The following LIN28A variants were observed in gnomAD, a reference collection of about 807,000 sequenced individuals.
LIN28A encodes the protein protein lin-28 homolog A.
A neutral mutation model predicts 21.1 loss-of-function variants in LIN28A; 11 were observed. The ratio of observed to expected loss-of-function variants is 0.52; its 90% CI spans 0.33 to 0.86. The LOEUF is 0.86. Among genes scored for constraint, LIN28A ranks in the 40% least tolerant of loss-of-function variants. LIN28A has a pLI of 0.03. For missense variants in LIN28A, 219 were observed against 279.8 expected (o/e 0.78, Z 1.55); for synonymous variants, 111 against 108.7 (o/e 1.02, Z -0.13).
At position 26,428,473 on chromosome 1, in the gene LIN28A, CTGAAG is replaced by C. The variant is rs2075073371; in HGVS notation, c.*2016_*2020del. ...CTCTTAAATGATGTATGCAAAAATACTGAAGCTAGGAAAACCCTCCATCCCTTGTT... is the reference window on the plus strand; with the variant it reads ...CTCTTAAATGATGTATGCAAAAATACCTAGGAAAACCCTCCATCCCTTGTT... On this transcript the variant is annotated 3_prime_UTR_variant, in exon 4 of 4. Coordinates refer to ENST00000326279, the MANE Select transcript of LIN28A (RefSeq NM_024674.6). 6.6e-6 allele frequency: 1 copy of C among 152,124 alleles called. No homozygotes were observed. The highest frequency in any genetic ancestry group is 1.5e-5 in the Non-Finnish European group (1 of 68,026). The allele number at this position is 152,124 out of a possible 1,614,324, so 9.4% of individuals were successfully genotyped here.
chr1:26,414,810 G>T (rs187862272), intron 2 of LIN28A, among the ~76,000 whole-genome samples: 29 of 152,178 alleles, frequency 1.9e-4, no homozygotes, highest in Non-Finnish European at 3.4e-4. Flanking sequence ...TGCATCTTAG[G>T]TATGACAACC....
At chr1:26,412,299 G>C (rs966853322) in intron 2 of LIN28A, among the ~76,000 whole-genome samples, 10 of 152,148 alleles carry the variant, frequency 6.6e-5, no homozygotes, top group Non-Finnish European at 1.3e-4. Context: ...AGCACAGTAG[G>C]GGGTGAAATT....
chr1:26,426,323 G>C lies in LIN28A; in HGVS notation c.495G>C (p.Gln165His), dbSNP rs1305446335. The C allele has an allele frequency of 3.1e-6, 5 of 1,614,216 alleles. No homozygotes were observed. Among genetic ancestry groups the C allele is most frequent in the Non-Finnish European group, 3.4e-6 (4 of 1,180,022 alleles). Residue 165 changes from glutamine (Q) to histidine (H), a missense_variant, in exon 4 of 4, where the codon CAG becomes CAC. By Grantham distance (24) the Gln-to-His change is conservative. Transcript: ENST00000326279. Reference protein sequence around the residue: ...PPQPKKCHFCQSISHMVASCP... With the variant: ...PPQPKKCHFCHSISHMVASCP... ...AGCCCAAGAAGTGCCACTTCTGCCA[G>C]AGCATCAGCCATATGGTAGCCTCAT...
At chr1:26,412,446 C>T (rs906986965) in intron 2 of LIN28A, among the ~76,000 whole-genome samples, 1 of 152,160 alleles carries the variant, frequency 6.6e-6, no homozygotes, top group African/African-American at 2.4e-5. Flanking sequence ...CTTCAGGTCT[C>T]CCTCCTCCCA....
Position 26,411,102 on chromosome 1 carries a change from A to G in LIN28A, c.31+180A>G, listed in dbSNP as rs1458299139. ...TTGGTGTCCCAGTGGCGTGCGCGCC[A>G]GACTACGTGGGTGGATGGAGAGGAG... On this transcript the variant is annotated intron_variant, in intron 1 of 3. Transcript: ENST00000326279. The surrounding 1 kb of genome is among the most constrained non-coding windows in gnomAD (Gnocchi z 5.4). Among the ~76,000 whole-genome samples, 2 of 152,176 alleles carry G rather than the reference A, an allele frequency of 1.3e-5. No individual in the cohort carries two copies. Among genetic ancestry groups the G allele is most frequent in the African/African-American group, 4.8e-5 (2 of 41,444 alleles).
intron 2 of LIN28A, among the ~76,000 whole-genome samples, chr1:26,414,034 G>A (rs1463660767): frequency 6.6e-6 from 1 of 151,866 alleles, no homozygotes; most frequent in Non-Finnish European, 1.5e-5. Context: ...TCTGCACGTT[G>A]GTCAGGCTGG....
chr1:26,411,677 C>T lies in LIN28A; in HGVS notation c.228+95C>T. ...GGCTCGCAGTTGAATTGAGGGCCAT[C>T]GGGAGCCCTCATTATGCATCCCTGT... is the stretch of plus-strand genomic sequence containing the variant. On this transcript the variant is annotated intron_variant, in intron 2 of 3. Transcript: ENST00000326279. This position sits in a 1 kb window ranked among gnomAD's most constrained non-coding sequence, Gnocchi z 5.4. 1.6e-6 allele frequency: 2 copies of T among 1,274,546 alleles called. No homozygotes were observed. The highest frequency in any genetic ancestry group is 2.2e-6 in the Non-Finnish European group (2 of 900,152). 79.0% of individuals were successfully genotyped at this position (1,274,546 alleles called of 1,614,324 possible). A position where few individuals can be genotyped will look rare whatever the true frequency, so the allele number is the denominator to read the frequency against.
At chr1:26,419,152 G>T (rs1022632643) in intron 2 of LIN28A, among the ~76,000 whole-genome samples, 4 of 151,978 alleles carry the variant, frequency 2.6e-5, no homozygotes, top group African/African-American at 9.7e-5. Flanking sequence ...AGAATTTCAG[G>T]CGCTTTTCAG....
intron 2 of LIN28A, among the ~76,000 whole-genome samples, chr1:26,412,795 C>T (rs931193617): frequency 2.0e-5 from 3 of 151,954 alleles, no homozygotes; most frequent in Admixed American, 6.6e-5. Flanking sequence ...GCAGCAGGGA[C>T]GTCTTTGAGC....
At chr1:26,426,100 C>G (rs2075057646) in intron 3 of LIN28A, 142 bp from the exon 4 acceptor site, 5 of 635,640 alleles carry the variant, frequency 7.9e-6, no homozygotes, top group Non-Finnish European at 1.4e-5. Flanking sequence ...TAATAGTCCT[C>G]CTTTTGCAAG....
At position 26,424,793 on chromosome 1, in the gene LIN28A, G is replaced by A. The variant is rs1447135049; in HGVS notation, c.229-510G>A. Among the ~76,000 whole-genome samples the A allele has an allele frequency of 3.9e-5, 6 of 152,158 alleles. No individual in the cohort carries two copies. In the East Asian group the frequency reaches 9.6e-4, roughly 24 times the overall value. On this transcript the variant is annotated intron_variant, in intron 2 of 3. Coordinates refer to ENST00000326279, the MANE Select transcript of LIN28A (RefSeq NM_024674.6). The stretch of plus-strand genomic sequence containing the variant: ...GTCTCACTCTGTCGCCCAGGCTGGA[G>A]TGCAATAGTGTGATCTCAGCTCACT...
chr1:26,423,096 CAG>C (rs2075036544), intron 2 of LIN28A, among the ~76,000 whole-genome samples: 1 of 152,090 alleles, frequency 6.6e-6, no homozygotes, highest in Non-Finnish European at 1.5e-5. Context: ...CTCCATCACC[CAG>C]GCTGGAGTAC....
At chr1:26,423,825 C>T (rs967452411) in intron 2 of LIN28A, among the ~76,000 whole-genome samples, 5 of 151,576 alleles carry the variant, frequency 3.3e-5, no homozygotes, top group Admixed American at 6.6e-5. Context: ...TACAGTGGCG[C>T]GATCTCAGCT....
At chr1:26,416,617 G>A (rs1002205690) in intron 2 of LIN28A, among the ~76,000 whole-genome samples, 2 of 151,612 alleles carry the variant, frequency 1.3e-5, no homozygotes, top group Non-Finnish European at 2.9e-5. Flanking sequence ...TCTCACCATC[G>A]AGGTTTTTTA....
Position 26,426,437 on chromosome 1 carries a change from G to A in LIN28A, c.609G>A (p.Leu203=), listed in dbSNP as rs1341202717. 1 of 1,614,152 alleles carries A rather than the reference G, an allele frequency of 6.2e-7. No homozygotes were observed. The highest frequency in any genetic ancestry group is 8.5e-7 in the Non-Finnish European group (1 of 1,179,990). The change falls in exon 4 of 4, where the codon CTG becomes CTA. Residue 203 remains leucine, a synonymous_variant. Coordinates refer to ENST00000326279, the MANE Select transcript of LIN28A (RefSeq NM_024674.6). ...EEEEEIHSPT[L]LPEAQN is the part of the protein sequence containing the mutation. ...AAGAAGAAATCCACAGCCCTACCCT[G>A]CTCCCGGAGGCACAGAATTGAGCCA...
chr1:26,417,178 G>C (rs1004576678), intron 2 of LIN28A, among the ~76,000 whole-genome samples: 1 of 152,168 alleles, frequency 6.6e-6, no homozygotes, highest in Non-Finnish European at 1.5e-5. Flanking sequence ...AGGCGCCCTC[G>C]GGCTTACCTT....
Position 26,426,749 on chromosome 1 carries a change from G to C in LIN28A, c.*291G>C, listed in dbSNP as rs2075062120. ...TCCATCCCCAGAATTTCCAGCTTTT[G>C]AAAGTGGCCTGGATAGGGAAGTTGT... On this transcript the variant is annotated 3_prime_UTR_variant, in exon 4 of 4. Transcript: ENST00000326279. The C allele has an allele frequency of 5.2e-6, 2 of 384,390 alleles. No homozygotes were observed. Among genetic ancestry groups the C allele is most frequent in the Non-Finnish European group, 9.8e-6 (2 of 204,738 alleles). 23.8% of individuals were successfully genotyped at this position (384,390 alleles called of 1,614,324 possible).
chr1:26,417,144 G>A (rs531697075), intron 2 of LIN28A, among the ~76,000 whole-genome samples: 8 of 152,296 alleles, frequency 5.3e-5, no homozygotes, highest in Non-Finnish European at 8.8e-5. Flanking sequence ...ACCAGGTAGC[G>A]GGCCACTCAG....
At chr1:26,414,207 G>C (rs998459810) in intron 2 of LIN28A, among the ~76,000 whole-genome samples, 1 of 136,350 alleles carries the variant, frequency 7.3e-6, no homozygotes, top group Non-Finnish European at 1.7e-5. Flanking sequence ...TGTTTACTGG[G>C]GGAGGAGGAA....
Sources: gnomAD v4.1 joint callset for allele counts (sites outside exome capture counted in the v4.1 genomes callset) on GRCh38, gnomAD v4.1.1 for gene constraint, Gnocchi (gnomAD v3.1) non-coding constraint, MANE v1.5 for transcripts, NCBI Gene and HGNC (gene_info 2026-07-23, HGNC 2026-07-21) for gene names.